Variants in EBF2 observed in about 807,000 individuals in gnomAD.
EBF2 encodes transcription factor COE2.
A neutral mutation model predicts 72.8 loss-of-function variants in EBF2; 21 were observed. That is an observed-to-expected ratio of 0.29 (90% CI 0.20 to 0.42). EBF2 has a LOEUF of 0.42. EBF2 is among the 10% of genes least tolerant of loss of function. The probability of loss-of-function intolerance (pLI) is 1.00; values close to 1 mark genes in which losing one functional copy is unlikely to be tolerated. For synonymous variants in EBF2, 299 were observed against 274.2 expected, an observed-to-expected ratio of 1.09 and a Z score of -0.89; for missense variants, 637 against 731.2, an observed-to-expected ratio of 0.87 and a Z score of 1.49.
intron 7 of EBF2, among the ~76,000 whole-genome samples, chr8:25,903,206 T>TC (rs1554567992): frequency 6.7e-6 from 1 of 148,196 alleles, no homozygotes; most frequent in African/African-American, 2.5e-5. Context: ...TTTTTTTTTT[T>TC]CCTTTTTGTG....
chr8:25,902,521 C>A (rs1802972489), intron 7 of EBF2, among the ~76,000 whole-genome samples: 1 of 151,702 alleles, frequency 6.6e-6, no homozygotes, highest in Non-Finnish European at 1.5e-5. Flanking sequence ...TTATTTTAAT[C>A]AATTATTTTA....
At chr8:25,940,680 T>C (rs1035964536) in intron 6 of EBF2, among the ~76,000 whole-genome samples, 10 of 151,814 alleles carry the variant, frequency 6.6e-5, no homozygotes, top group African/African-American at 1.9e-4. Context: ...ATCTTCTTAG[T>C]GGGCCATCCA....
At chr8:25,939,499 A>G (rs1419211198) in intron 6 of EBF2, among the ~76,000 whole-genome samples, 1 of 152,164 alleles carries the variant, frequency 6.6e-6, no homozygotes, top group Admixed American at 6.6e-5. Context: ...AACCTTTTAC[A>G]ATTAATGTAA....
chr8:25,963,528 T>C (rs78523359), intron 6 of EBF2, among the ~76,000 whole-genome samples: 2,167 of 152,278 alleles, frequency 0.014, 30 homozygotes, highest in Non-Finnish European at 0.024. Context: ...TTACGGGGTG[T>C]GATAGAGAAC....
chr8:25,933,884 G>A (rs2117148729), intron 6 of EBF2, among the ~76,000 whole-genome samples: 1 of 152,240 alleles, frequency 6.6e-6, no homozygotes, highest in South Asian at 2.1e-4. Flanking sequence ...TTATTTCTGA[G>A]CGGTAAGTTA....
At chr8:25,956,237 G>A (rs1267123689) in intron 6 of EBF2, among the ~76,000 whole-genome samples, 1 of 152,004 alleles carries the variant, frequency 6.6e-6, no homozygotes, top group African/African-American at 2.4e-5. Flanking sequence ...TGACCAACAT[G>A]GAGAAACCCC....
intron 14 of EBF2, 63 bp downstream of exon 14, chr8:25,858,256 G>T: frequency 2.5e-6 from 4 of 1,585,736 alleles, no homozygotes; most frequent in Non-Finnish European, 3.5e-6. Context: ...CTCCCAAAAG[G>T]CCCAATAGTA....
At chr8:26,043,144 CTGAG>C (rs1034389982) in intron 1 of EBF2, among the ~76,000 whole-genome samples, 3 of 152,366 alleles carry the variant, frequency 2.0e-5, no homozygotes, top group African/African-American at 7.2e-5. Flanking sequence ...CTCGAGCGTG[CTGAG>C]TGTGTGCACA....
intron 6 of EBF2, among the ~76,000 whole-genome samples, chr8:25,919,601 C>T (rs1203010035): frequency 6.6e-6 from 1 of 152,146 alleles, no homozygotes; most frequent in East Asian, 1.9e-4. Context: ...GTCTTAAATA[C>T]ACCTTCTCAA....
In EBF2 at chr8:25,846,817, T is replaced by C. The variant is rs187871161; in HGVS notation, c.1697-2177A>G. Among the ~76,000 whole-genome samples the C allele has an allele frequency of 5.3e-5, 8 of 152,316 alleles. No homozygotes were observed. The East Asian group carries it at 5.8e-4, about 11-fold the overall frequency. On this transcript the variant is annotated intron_variant, in intron 15 of 15. Coordinates refer to ENST00000520164, the MANE Select transcript of EBF2 (RefSeq NM_022659.4). ...GACAGAAAAGAACAGATTTGAGATA[T>C]ATCCCTTCCTCCTAGTCCTACATCC...
intron 14 of EBF2, among the ~76,000 whole-genome samples, chr8:25,857,726 C>T (rs1364041690): frequency 6.6e-6 from 1 of 152,192 alleles, no homozygotes; most frequent in Non-Finnish European, 1.5e-5. Context: ...CAATATATCA[C>T]ATGATTGCAC....
At chr8:25,928,038 C>T (rs540211715) in intron 6 of EBF2, among the ~76,000 whole-genome samples, 1 of 152,268 alleles carries the variant, frequency 6.6e-6, no homozygotes, top group East Asian at 1.9e-4. Flanking sequence ...CTTGTCTCCT[C>T]TCCTATCCTC....
Position 25,886,850 on chromosome 8 carries a change from G to C in EBF2, c.914C>G (p.Thr305Ser). The change falls in exon 10 of 16, where the codon ACT becomes AGT. Residue 305 changes from threonine (T) to serine (S), a missense_variant. By Grantham distance (58) the Thr-to-Ser change is moderately conservative. Transcript: ENST00000520164. ...LITPHAIRVQ[T>S]PPRHIPGVVE... ...CACGCCTGGGATGTGCCGGGGAGGA[G>C]TCTGTACTCTGATGGCATGAGGGGT... 1 of 1,613,300 alleles carries C rather than the reference G, an allele frequency of 6.2e-7. No individual in the cohort carries two copies. Among genetic ancestry groups the C allele is most frequent in the Non-Finnish European group, 8.5e-7 (1 of 1,179,614 alleles).
intron 6 of EBF2, among the ~76,000 whole-genome samples, chr8:25,991,059 C>T (rs1804535021): frequency 6.6e-6 from 1 of 152,070 alleles, no homozygotes; most frequent in South Asian, 2.1e-4. Flanking sequence ...ATACAGTTTT[C>T]TCATCCAAGG....
Position 25,918,712 on chromosome 8 carries a change from A to C in EBF2, c.552-10157T>G, listed in dbSNP as rs117706770. On this transcript the variant is annotated intron_variant, in intron 6 of 15. Coordinates refer to ENST00000520164, the MANE Select transcript of EBF2 (RefSeq NM_022659.4). Reference sequence around the variant, plus strand: ...CTCAAACTAGCGTGGAAGATACAGAAGTCAGTATTGATAAAGGTACATATT... The same window carrying C: ...CTCAAACTAGCGTGGAAGATACAGACGTCAGTATTGATAAAGGTACATATT... Among the ~76,000 whole-genome samples, 674 of 152,350 alleles carry C rather than the reference A, an allele frequency of 4.4e-3. 1 individual carries two copies. The highest frequency in any genetic ancestry group is 7.8e-3 in the Non-Finnish European group (529 of 68,038).
intron 6 of EBF2, among the ~76,000 whole-genome samples, chr8:25,923,640 A>G (rs1057400543): frequency 6.6e-6 from 1 of 152,204 alleles, no homozygotes; most frequent in Non-Finnish European, 1.5e-5. Flanking sequence ...AGGTGTTCCT[A>G]TCTCCCTGCT....
At chr8:25,991,562 A>T (rs1196449773) in intron 6 of EBF2, among the ~76,000 whole-genome samples, 1 of 152,152 alleles carries the variant, frequency 6.6e-6, no homozygotes, top group East Asian at 1.9e-4. Flanking sequence ...AAAATAGAGG[A>T]CTGCCGGGTG....
chr8:26,012,976 T>C (rs1239893456), intron 6 of EBF2, among the ~76,000 whole-genome samples: 3 of 151,870 alleles, frequency 2.0e-5, no homozygotes, highest in Non-Finnish European at 4.4e-5. Flanking sequence ...TGTAGCAGAG[T>C]AGTGGGAGTT....
At chr8:25,913,464 A>G (rs1163119283) in intron 6 of EBF2, among the ~76,000 whole-genome samples, 1 of 152,184 alleles carries the variant, frequency 6.6e-6, no homozygotes, top group Admixed American at 6.5e-5. Context: ...GGGAATTCAC[A>G]TAGAAGGAAT....
Sources: gnomAD v4.1 joint callset for allele counts (sites outside exome capture counted in the v4.1 genomes callset) on GRCh38, gnomAD v4.1.1 for gene constraint, MANE v1.5 for transcripts, NCBI Gene and HGNC (gene_info 2026-07-23, HGNC 2026-07-21) for gene names.